Variants in AMPH observed in about 807,000 individuals in gnomAD.
AMPH encodes the protein amphiphysin (Stiff-Mann syndrome with breast cancer 128kD autoantigen).
AMPH carries 49 observed loss-of-function variants against 99.1 expected under a neutral mutation model. The ratio of observed to expected loss-of-function variants is 0.49; its 90% confidence interval spans 0.39 to 0.63. AMPH has a LOEUF of 0.63. Among genes scored for constraint, AMPH ranks in the 20% least tolerant of loss-of-function variants. The probability of loss-of-function intolerance (pLI) is 0.00; values close to 1 mark genes in which losing one functional copy is unlikely to be tolerated. For synonymous variants in AMPH, 314 were observed against 317.3 expected (o/e 0.99, Z 0.11); for missense variants, 759 against 863.4 (o/e 0.88, Z 1.52).
chr7:38,441,660 C>A (rs77205625), intron 11 of AMPH, among the ~76,000 whole-genome samples: 8,442 of 150,768 alleles, frequency 0.056, 625 homozygotes, highest in East Asian at 0.35. Context: ...TTTGTCGCAG[C>A]AATATTCACA....
At chr7:38,449,136 A>G (rs1478309995) in intron 11 of AMPH, among the ~76,000 whole-genome samples, 1 of 152,212 alleles carries the variant, frequency 6.6e-6, no homozygotes, top group Non-Finnish European at 1.5e-5. Flanking sequence ...GGTATTTACC[A>G]ATAATGCACT....
intron 1 of AMPH, among the ~76,000 whole-genome samples, chr7:38,578,730 TG>T (rs1188553677): frequency 6.6e-6 from 1 of 152,144 alleles, no homozygotes; most frequent in Non-Finnish European, 1.5e-5. Context: ...ATCACACCAC[TG>T]CACTCCAGCT....
chr7:38,395,181 A>C (rs1411891913), intron 17 of AMPH, among the ~76,000 whole-genome samples: 1 of 152,156 alleles, frequency 6.6e-6, no homozygotes, highest in Non-Finnish European at 1.5e-5. Context: ...TAAACTTTCA[A>C]ATCTTTGTGA....
intron 17 of AMPH, among the ~76,000 whole-genome samples, chr7:38,414,719 C>A (rs1362283525): frequency 6.6e-6 from 1 of 151,756 alleles, no homozygotes; most frequent in Admixed American, 6.6e-5. Flanking sequence ...GGTTGGAGTG[C>A]AATGGTTAAG....
At chr7:38,430,039 T>G in intron 13 of AMPH, 174 bp from the exon 14 acceptor site, 1 of 564,588 alleles carries the variant, frequency 1.8e-6, no homozygotes, top group Non-Finnish European at 3.0e-6. Context: ...CAAAATTGTT[T>G]AAGACCACCA....
At chr7:38,490,309 A>G (rs749459011) in intron 5 of AMPH, among the ~76,000 whole-genome samples, 5 of 152,254 alleles carry the variant, frequency 3.3e-5, no homozygotes, top group East Asian at 3.9e-4. Context: ...GATTTGCTCT[A>G]TGTGGCATTT....
At chr7:38,506,819 C>T (rs1789342483) in intron 2 of AMPH, among the ~76,000 whole-genome samples, 1 of 152,200 alleles carries the variant, frequency 6.6e-6, no homozygotes, top group African/African-American at 2.4e-5. Context: ...GGATGAAACA[C>T]AGAACTTCAC....
At chr7:38,406,736 CTCTCT>C (rs1785014056) in intron 17 of AMPH, among the ~76,000 whole-genome samples, 7 of 76,904 alleles carry the variant, frequency 9.1e-5, no homozygotes, top group South Asian at 4.2e-4. Context: ...CTTTCCCTCT[CTCTCT>C]CTCTCTCTCT....
intron 2 of AMPH, among the ~76,000 whole-genome samples, chr7:38,510,435 G>C (rs1224781663): frequency 6.6e-6 from 1 of 152,192 alleles, no homozygotes; most frequent in East Asian, 1.9e-4. Context: ...TTCAGTCCAT[G>C]ATGTAACAAT....
At chr7:38,402,716 C>A (rs555121376) in intron 17 of AMPH, among the ~76,000 whole-genome samples, 3 of 152,180 alleles carry the variant, frequency 2.0e-5, no homozygotes, top group Non-Finnish European at 4.4e-5. Flanking sequence ...TGTCTCTGAT[C>A]GAGGGTGGAG....
intron 1 of AMPH, among the ~76,000 whole-genome samples, chr7:38,615,896 C>G (rs184345411): frequency 1.3e-5 from 2 of 152,272 alleles, no homozygotes; most frequent in Non-Finnish European, 2.9e-5. Flanking sequence ...GATGGCAGAG[C>G]AATGAAGGTG....
At chr7:38,515,637 T>C (rs1489546809) in intron 2 of AMPH, among the ~76,000 whole-genome samples, 6 of 152,130 alleles carry the variant, frequency 3.9e-5, no homozygotes, top group Non-Finnish European at 8.8e-5. Context: ...CACCAAGCAG[T>C]GGGGCATTGC....
At chr7:38,406,200 G>A (rs1784979359) in intron 17 of AMPH, among the ~76,000 whole-genome samples, 1 of 151,812 alleles carries the variant, frequency 6.6e-6, no homozygotes, top group Non-Finnish European at 1.5e-5. Context: ...AAAACTTCTG[G>A]GATACAGCAA....
chr7:38,600,398 T>A (rs1326926062), intron 1 of AMPH, among the ~76,000 whole-genome samples: 1 of 152,210 alleles, frequency 6.6e-6, no homozygotes, highest in Non-Finnish European at 1.5e-5. Context: ...ATCCTCTTCA[T>A]ATTCCCGATT....
At position 38,600,456 on chromosome 7, in the gene AMPH, GATTAAT is replaced by G. The variant is rs1440335108; in HGVS notation, c.69+30821_69+30826del. On this transcript the variant is annotated intron_variant, in intron 1 of 20. Transcript: ENST00000356264. ...TCAGCATACTCTGATGTTCTCGTAAGATTAATATTAATATTTTTACCATAAAAAAGG... is the reference window on the plus strand; with the variant it reads ...TCAGCATACTCTGATGTTCTCGTAAGATTAATATTTTTACCATAAAAAAGG... Among the ~76,000 whole-genome samples the G allele has an allele frequency of 2.6e-5, 4 of 152,176 alleles. No homozygotes were observed. The East Asian group carries it at 7.7e-4, about 29-fold the overall frequency.
At position 38,568,596 on chromosome 7, in the gene AMPH, G is replaced by A. The variant is rs6956102; in HGVS notation, c.70-33585C>T. Among the ~76,000 whole-genome samples the A allele has an allele frequency of 9.4e-3, 1,425 of 152,292 alleles. 19 individuals are homozygous for A. The highest frequency in any genetic ancestry group is 0.032 in the African/African-American group (1,326 of 41,548). On this transcript the variant is annotated intron_variant, in intron 1 of 20. Transcript: ENST00000356264. The stretch of plus-strand genomic sequence containing the variant: ...TGAACTGGTGAAGAGGCATTATTAC[G>A]GTTACTATGACTATACTAATTATTC...
intron 17 of AMPH, among the ~76,000 whole-genome samples, chr7:38,414,384 T>C (rs1365619674): frequency 6.6e-6 from 1 of 152,224 alleles, no homozygotes; most frequent in Non-Finnish European, 1.5e-5. Flanking sequence ...CTAAAAACTA[T>C]GCTAACTCTA....
intron 20 of AMPH, among the ~76,000 whole-genome samples, chr7:38,388,740 A>G (rs999108425): frequency 2.6e-5 from 4 of 152,058 alleles, no homozygotes; most frequent in African/African-American, 7.2e-5. Context: ...CCTGGGCTCA[A>G]GTGATCCTCC....
intron 1 of AMPH, among the ~76,000 whole-genome samples, chr7:38,588,897 C>T (rs918421929): frequency 6.6e-6 from 1 of 152,098 alleles, no homozygotes; most frequent in Admixed American, 6.5e-5. Flanking sequence ...TAATGGGCAT[C>T]TGAAGTTCAA....
Sources: allele counts gnomAD v4.1 joint callset (sites outside exome capture counted in the v4.1 genomes callset), GRCh38; gene constraint gnomAD v4.1.1; transcripts MANE v1.5; gene names NCBI Gene and HGNC (gene_info 2026-07-23, HGNC 2026-07-21).